HDAC9: variants seen among roughly 807,000 people sequenced by gnomAD.
HDAC9 encodes the protein histone deacetylase 9.
A neutral mutation model predicts 139.4 loss-of-function variants in HDAC9; 41 were observed. The observed-to-expected ratio is 0.29, with a 90% CI of 0.23 to 0.38. The LOEUF (loss-of-function observed/expected upper bound fraction) is 0.38, where lower values mean the gene tolerates loss of function less well. Among genes scored for constraint, HDAC9 ranks in the 10% least tolerant of loss-of-function variants. HDAC9 has a pLI of 1.00. For synonymous variants in HDAC9, 517 were observed against 476.2 expected (o/e 1.09, Z -1.12); for missense variants, 1,147 against 1,297.0 (o/e 0.88, Z 1.78).
chr7:18,985,050 A>G (rs534530871), intron 25 of HDAC9, among the ~76,000 whole-genome samples: 12 of 151,178 alleles, frequency 7.9e-5, no homozygotes, highest in African/African-American at 2.9e-4. Context: ...CTGGATCTTT[A>G]TTTTTTTTTA....
At chr7:18,414,959 G>A (rs546333223) in intron 1 of HDAC9, among the ~76,000 whole-genome samples, 1 of 152,030 alleles carries the variant, frequency 6.6e-6, no homozygotes, top group Non-Finnish European at 1.5e-5. Context: ...TTCCTACCTC[G>A]CCTATTTGTT....
intron 2 of HDAC9, among the ~76,000 whole-genome samples, chr7:18,234,612 G>A (rs1187554700): frequency 6.6e-6 from 1 of 152,214 alleles, no homozygotes; most frequent in African/African-American, 2.4e-5. Flanking sequence ...TTGATAATGA[G>A]TGGAAGAGAC....
At chr7:18,651,168 T>C (rs1268866349) in intron 11 of HDAC9, among the ~76,000 whole-genome samples, 1 of 152,196 alleles carries the variant, frequency 6.6e-6, no homozygotes, top group Non-Finnish European at 1.5e-5. Flanking sequence ...AACATGTTTC[T>C]GTATAATATA....
At chr7:18,200,943 G>C (rs1415182929) in intron 2 of HDAC9, among the ~76,000 whole-genome samples, 10 of 152,096 alleles carry the variant, frequency 6.6e-5, no homozygotes, top group Non-Finnish European at 1.5e-4. Context: ...CACTTTGAAG[G>C]TGCTGCCAAA....
chr7:18,675,350 A>C (rs1259554326), intron 12 of HDAC9, among the ~76,000 whole-genome samples: 5 of 152,056 alleles, frequency 3.3e-5, no homozygotes, highest in African/African-American at 1.2e-4. Context: ...CTCCATGTGA[A>C]GTAAATTACC....
chr7:18,294,704 C>A (rs149702447), intron 1 of HDAC9, among the ~76,000 whole-genome samples: 1 of 152,018 alleles, frequency 6.6e-6, no homozygotes, highest in Non-Finnish European at 1.5e-5. Flanking sequence ...AAGGTTTACA[C>A]GGGGAGTTGC....
intron 17 of HDAC9, among the ~76,000 whole-genome samples, chr7:18,821,761 C>T (rs1292966263): frequency 6.6e-6 from 1 of 152,190 alleles, no homozygotes; most frequent in Non-Finnish European, 1.5e-5. Context: ...AAGACTGTCC[C>T]CACTTCAGAT....
chr7:18,427,651 T>C (rs1790242254), intron 1 of HDAC9, among the ~76,000 whole-genome samples: 1 of 151,710 alleles, frequency 6.6e-6, no homozygotes, highest in African/African-American at 2.4e-5. Flanking sequence ...CTTAATCCCC[T>C]TCCCCTCCAC....
intron 1 of HDAC9, among the ~76,000 whole-genome samples, chr7:18,417,132 A>G (rs776034225): frequency 6.6e-6 from 1 of 152,070 alleles, no homozygotes; most frequent in Non-Finnish European, 1.5e-5. Context: ...CTAATTTTCT[A>G]TCTGTGCTTT....
intron 2 of HDAC9, among the ~76,000 whole-genome samples, chr7:18,215,028 T>G (rs1286575613): frequency 1.3e-5 from 2 of 152,182 alleles, no homozygotes; most frequent in African/African-American, 4.8e-5. Context: ...GATAATGGGC[T>G]TATGCTGTTT....
intron 8 of HDAC9, among the ~76,000 whole-genome samples, chr7:18,640,298 C>A (rs558377927): frequency 8.1e-6 from 1 of 122,900 alleles, no homozygotes; most frequent in South Asian, 2.7e-4. Flanking sequence ...TTTGAAGTTA[C>A]AGTGGGCCTT....
chr7:18,949,073 G>T, intron 23 of HDAC9: 1 of 363,060 alleles, frequency 2.8e-6, no homozygotes, highest in South Asian at 2.3e-5. Flanking sequence ...TCCTTTTAGC[G>T]TTTTGGGAGG....
At chr7:18,621,391 A>T (rs1840171647) in intron 6 of HDAC9, among the ~76,000 whole-genome samples, 1 of 152,028 alleles carries the variant, frequency 6.6e-6, no homozygotes. Flanking sequence ...ATTTATTATA[A>T]AATTAGCACT....
At chr7:18,156,033 C>A (rs1423738999) in intron 1 of HDAC9, among the ~76,000 whole-genome samples, 2 of 152,138 alleles carry the variant, frequency 1.3e-5, no homozygotes, top group Non-Finnish European at 2.9e-5. Flanking sequence ...TAAATATTAT[C>A]AGGAGCACTG....
intron 1 of HDAC9, among the ~76,000 whole-genome samples, chr7:18,435,947 A>G (rs1454844089): frequency 1.3e-5 from 2 of 148,638 alleles, no homozygotes; most frequent in Non-Finnish European, 3.0e-5. Flanking sequence ...TGGAAAATTT[A>G]TATATATATA....
rs576244676 is a variant in HDAC9 at position 18,252,156 on chromosome 7, T to C, written c.25+89807T>C. Among the ~76,000 whole-genome samples the C allele has an allele frequency of 2.0e-4, 31 of 152,260 alleles. No homozygotes were observed. The South Asian group carries it at 6.0e-3, about 30-fold the overall frequency. On this transcript the variant is annotated intron_variant, in intron 2 of 12. Coordinates refer to the HDAC9 transcript ENST00000417496. Reference sequence around the variant, plus strand: ...TGAAGTTAGCATTCAGTAGAGAAGTTGGGACAAAAAAAATATGAAATATTT... The same window carrying C: ...TGAAGTTAGCATTCAGTAGAGAAGTCGGGACAAAAAAAATATGAAATATTT...
At chr7:18,639,304 C>T (rs555137382) in intron 8 of HDAC9, among the ~76,000 whole-genome samples, 3 of 151,876 alleles carry the variant, frequency 2.0e-5, no homozygotes, top group African/African-American at 4.8e-5. Flanking sequence ...AAATAAAACA[C>T]GTTCCCCCCA....
At chr7:18,585,752 G>T (rs764903240) in intron 3 of HDAC9, among the ~76,000 whole-genome samples, 1 of 152,054 alleles carries the variant, frequency 6.6e-6, no homozygotes, top group African/African-American at 2.4e-5. Flanking sequence ...AGAATCAATA[G>T]CAGGGAATAG....
intron 1 of HDAC9, among the ~76,000 whole-genome samples, chr7:18,433,720 G>A (rs2128765807): frequency 6.6e-6 from 1 of 152,242 alleles, no homozygotes; most frequent in East Asian, 1.9e-4. Flanking sequence ...CCAGGGAGGT[G>A]GAAGATCTCT....
Sources: allele counts gnomAD v4.1 joint callset (sites outside exome capture counted in the v4.1 genomes callset), GRCh38; gene constraint gnomAD v4.1.1; transcripts MANE v1.5; gene names NCBI Gene and HGNC (gene_info 2026-07-23, HGNC 2026-07-21).